ANKRD26: variants seen among roughly 807,000 people sequenced by gnomAD.
ANKRD26 encodes ankyrin repeat domain 26.
Under a neutral mutation model 208.7 loss-of-function variants are expected in ANKRD26, and 141 were observed. The ratio of observed to expected loss-of-function variants is 0.68; its 90% CI spans 0.59 to 0.78. The LOEUF (loss-of-function observed/expected upper bound fraction) is 0.78. ANKRD26 is among the 30% of genes least tolerant of loss of function. The pLI, the probability that ANKRD26 is intolerant of heterozygous loss-of-function variation, is 0.00. For missense variants in ANKRD26, 1,889 were observed against 1,938.7 expected, an observed-to-expected ratio of 0.97 and a Z score of 0.48; for synonymous variants, 636 against 660.4, an observed-to-expected ratio of 0.96 and a Z score of 0.57.
chr10:26,971,987 G>A (rs2052150448), downstream of ANKRD26, among the ~76,000 whole-genome samples: 2 of 152,150 alleles, frequency 1.3e-5, no homozygotes, highest in East Asian at 3.9e-4. Flanking sequence ...TGTAATCCCA[G>A]CACTTTGGGA....
intron 6 of ANKRD26, among the ~76,000 whole-genome samples, chr10:27,079,516 G>A (rs1298537266): frequency 3.6e-4 from 55 of 152,178 alleles, no homozygotes; most frequent in Admixed American, 3.5e-3. Context: ...ATTAATGGCT[G>A]ATATAACTTT....
downstream of ANKRD26, among the ~76,000 whole-genome samples, chr10:27,002,676 G>A (rs936155811): frequency 6.6e-6 from 1 of 152,194 alleles, no homozygotes; most frequent in African/African-American, 2.4e-5. Context: ...AAATGTTGTA[G>A]GGTCTATGGT....
chr10:27,045,121 G>A (rs1185753402), intron 18 of ANKRD26, among the ~76,000 whole-genome samples: 2 of 152,106 alleles, frequency 1.3e-5, no homozygotes, highest in African/African-American at 4.8e-5. Flanking sequence ...CTTTATTCAT[G>A]CATTCAAAAA....
At chr10:27,056,476 A>T (rs1394710297) in intron 15 of ANKRD26, among the ~76,000 whole-genome samples, 3 of 151,532 alleles carry the variant, frequency 2.0e-5, no homozygotes, top group Non-Finnish European at 4.4e-5. Flanking sequence ...GCCAAAAATA[A>T]TTTTTTTTAA....
chr10:27,012,390 G>A (rs571923772), intron 32 of ANKRD26, among the ~76,000 whole-genome samples: 3 of 142,944 alleles, frequency 2.1e-5, no homozygotes, highest in Non-Finnish European at 3.0e-5. Flanking sequence ...AGAGCTCTAG[G>A]GACTAAAAAA....
In ANKRD26 at chr10:27,024,572, A is replaced by T; in HGVS notation, c.3973-13T>A. The T allele has an allele frequency of 7.3e-7, 1 of 1,373,598 alleles. No individual in the cohort carries two copies. Among genetic ancestry groups the T allele is most frequent in the Non-Finnish European group, 1.0e-6 (1 of 965,872 alleles). 85.1% of individuals were successfully genotyped at this position (1,373,598 alleles called of 1,614,324 possible). ...TTTCATCTTCAGACTTTGAAACAAA[A>T]TATTTTCAATTACTTTTAAAACTCT... On this transcript the variant is annotated splice_polypyrimidine_tract_variant and intron_variant, in intron 27 of 33. Transcript: ENST00000376087.
At chr10:27,081,638 G>C (rs1166347469) in intron 6 of ANKRD26, among the ~76,000 whole-genome samples, 1 of 152,002 alleles carries the variant, frequency 6.6e-6, no homozygotes, top group Non-Finnish European at 1.5e-5. Context: ...TGATTCTGTT[G>C]ATAGGAAAAT....
chr10:27,055,967 C>T (rs2054825262), intron 15 of ANKRD26, among the ~76,000 whole-genome samples: 1 of 152,012 alleles, frequency 6.6e-6, no homozygotes, highest in South Asian at 2.1e-4. Flanking sequence ...CCATCCAGTC[C>T]CAAAACTCTA....
intron 12 of ANKRD26, among the ~76,000 whole-genome samples, chr10:27,062,771 T>C (rs1479324293): frequency 7.2e-6 from 1 of 138,426 alleles, no homozygotes; most frequent in Non-Finnish European, 1.6e-5. Flanking sequence ...TCTTTCTTTC[T>C]TTTTTTTTTT....
downstream of ANKRD26, among the ~76,000 whole-genome samples, chr10:27,002,150 T>C (rs1396330002): frequency 6.6e-6 from 1 of 151,952 alleles, no homozygotes; most frequent in Non-Finnish European, 1.5e-5. Context: ...AAGGATGGGG[T>C]GAAGACAGCA....
At chr10:26,990,928 A>G (rs1040269416), downstream of ANKRD26, among the ~76,000 whole-genome samples, 1 of 152,252 alleles carries the variant, frequency 6.6e-6, no homozygotes, top group African/African-American at 2.4e-5. Flanking sequence ...AGAATTAGCA[A>G]GACAAAATCC....
At chr10:27,089,339 T>C (rs1051433649) in intron 4 of ANKRD26, among the ~76,000 whole-genome samples, 4 of 152,192 alleles carry the variant, frequency 2.6e-5, no homozygotes, top group Non-Finnish European at 5.9e-5. Flanking sequence ...CAGTTCAAGA[T>C]TATCTGCCAA....
chr10:26,984,410 A>T (rs2052353859), intron 3 of ANKRD26, among the ~76,000 whole-genome samples: 1 of 152,194 alleles, frequency 6.6e-6, no homozygotes, highest in South Asian at 2.1e-4. Flanking sequence ...CCTTTTTAAG[A>T]TGAGACATGT....
At chr10:27,049,054 A>G in intron 16 of ANKRD26, 75 bp from the exon 17 acceptor site, 1 of 1,290,656 alleles carries the variant, frequency 7.7e-7, no homozygotes, top group Admixed American at 2.3e-5. Flanking sequence ...CATTGAGTTT[A>G]TCATTTGACT....
intron 12 of ANKRD26, among the ~76,000 whole-genome samples, chr10:27,062,716 T>G (rs1217261924): frequency 1.3e-5 from 2 of 152,108 alleles, no homozygotes; most frequent in African/African-American, 4.8e-5. Context: ...TCTTTCCAAT[T>G]CTTTTCTTTT....
At chr10:27,089,510 G>A (rs975570188) in intron 4 of ANKRD26, among the ~76,000 whole-genome samples, 7 of 152,244 alleles carry the variant, frequency 4.6e-5, no homozygotes, top group African/African-American at 1.2e-4. Context: ...TTCTATACCC[G>A]GTTGGACACA....
chr10:27,070,378 C>A (rs887221843), intron 9 of ANKRD26, among the ~76,000 whole-genome samples: 1 of 152,048 alleles, frequency 6.6e-6, no homozygotes, highest in East Asian at 1.9e-4. Context: ...CCAGCCTAGG[C>A]GACAGAGCAA....
the ANKRD26 span, among the ~76,000 whole-genome samples, chr10:26,948,396 CCTT>C: frequency 6.6e-6 from 1 of 152,276 alleles, no homozygotes; most frequent in East Asian, 1.9e-4. Flanking sequence ...CTCACCTACT[CCTT>C]CTTGGGCTAA....
intron 9 of ANKRD26, among the ~76,000 whole-genome samples, chr10:27,069,945 C>T (rs1443937954): frequency 6.6e-6 from 1 of 151,686 alleles, no homozygotes; most frequent in Non-Finnish European, 1.5e-5. Flanking sequence ...TAGCGAGACC[C>T]CATCTCTACA....
Sources: allele counts gnomAD v4.1 joint callset (sites outside exome capture counted in the v4.1 genomes callset), GRCh38; gene constraint gnomAD v4.1.1; transcripts MANE v1.5; gene names NCBI Gene and HGNC (gene_info 2026-07-23, HGNC 2026-07-21).